Variants in FTCDNL1 observed in about 807,000 individuals in gnomAD.
FTCDNL1 encodes the protein formiminotransferase cyclodeaminase N-terminal like, also known as formiminotransferase N-terminal subdomain-containing protein.
Under a neutral mutation model 5.9 loss-of-function variants are expected in FTCDNL1, and 11 were observed. The ratio of observed to expected loss-of-function variants is 1.87; its 90% CI spans 1.18 to 3.10. FTCDNL1 has a LOEUF of 3.10. Among genes scored for constraint, FTCDNL1 ranks in the 30% most tolerant of loss-of-function variants. The pLI, the probability that FTCDNL1 is intolerant of heterozygous loss-of-function variation, is 0.00. For missense variants in FTCDNL1, 115 were observed against 65.5 expected (o/e 1.76, Z -2.61); for synonymous variants, 58 against 24.8 (o/e 2.34, Z -3.99).
chr2:199,730,795 A>G, the FTCDNL1 span, among the ~76,000 whole-genome samples: 3 of 152,358 alleles, frequency 2.0e-5, no homozygotes, highest in African/African-American at 7.2e-5. Flanking sequence ...CGATTCCCCA[A>G]GGATCTAGAA....
chr2:199,700,170 G>T, the FTCDNL1 span, among the ~76,000 whole-genome samples: 4 of 151,970 alleles, frequency 2.6e-5, no homozygotes, highest in African/African-American at 7.3e-5. Flanking sequence ...CTGCCCAAAG[G>T]CTCCTAGATC....
At chr2:199,765,554 A>ATTT (rs1394074600) in intron 3 of FTCDNL1, among the ~76,000 whole-genome samples, 34 of 60,356 alleles carry the variant, frequency 5.6e-4, no homozygotes, top group East Asian at 3.7e-3. Flanking sequence ...ATATATATAT[A>ATTT]TATTTTTTTT....
At chr2:199,706,978 G>A in the FTCDNL1 span, among the ~76,000 whole-genome samples, 2 of 152,198 alleles carry the variant, frequency 1.3e-5, no homozygotes, top group African/African-American at 4.8e-5. Context: ...ATCTGCTCCT[G>A]GTCAGCTTAT....
intron 3 of FTCDNL1, among the ~76,000 whole-genome samples, chr2:199,841,224 A>G (rs1391140714): frequency 1.3e-5 from 2 of 151,972 alleles, no homozygotes; most frequent in African/African-American, 4.8e-5. Flanking sequence ...GTGAGTTTTT[A>G]TAGAAAATGA....
chr2:199,772,076 T>C (rs1402076080), intron 3 of FTCDNL1, among the ~76,000 whole-genome samples: 1 of 152,230 alleles, frequency 6.6e-6, no homozygotes, highest in Admixed American at 6.5e-5. Context: ...TAAGGGTTTC[T>C]TAAACACAAA....
chr2:199,834,756 C>T (rs1035796513), intron 3 of FTCDNL1, among the ~76,000 whole-genome samples: 2 of 152,220 alleles, frequency 1.3e-5, no homozygotes, highest in African/African-American at 2.4e-5. Flanking sequence ...AAACCTACCC[C>T]AATACTCTTA....
chr2:199,668,069 C>T, the FTCDNL1 span, among the ~76,000 whole-genome samples: 1 of 152,086 alleles, frequency 6.6e-6, no homozygotes, highest in Non-Finnish European at 1.5e-5. Flanking sequence ...GAAGAACTCC[C>T]CTTAGAACTC....
the FTCDNL1 span, among the ~76,000 whole-genome samples, chr2:199,715,559 A>G: frequency 6.4e-3 from 971 of 152,340 alleles, 12 homozygotes; most frequent in African/African-American, 0.022. Context: ...TAAGTCCATC[A>G]AACTTCTTTT....
At position 199,782,119 on chromosome 2, in the gene FTCDNL1, G is replaced by A. The variant is rs115839115; in HGVS notation, c.212-21284C>T. 1.4e-3 allele frequency among the ~76,000 whole-genome samples: 218 copies of A among 152,256 alleles called. 1 individual carries two copies. Among genetic ancestry groups the A allele is most frequent in the African/African-American group, 5.0e-3 (208 of 41,548 alleles). ...TCGTTAATTTGCTCTACCAAAGACA[G>A]CACAACTGGCACAAGAGCTACAACT... On this transcript the variant is annotated intron_variant, in intron 3 of 3. Coordinates refer to the FTCDNL1 transcript ENST00000416668.
chr2:199,727,055 G>C, the FTCDNL1 span, among the ~76,000 whole-genome samples: 1 of 152,194 alleles, frequency 6.6e-6, no homozygotes. Flanking sequence ...CTCCCCACAG[G>C]GGCTCTGTCC....
At chr2:199,717,789 C>T in the FTCDNL1 span, among the ~76,000 whole-genome samples, 2 of 151,476 alleles carry the variant, frequency 1.3e-5, no homozygotes, top group Non-Finnish European at 2.9e-5. Flanking sequence ...ACAGATTAAA[C>T]TCATATTACT....
At chr2:199,763,822 G>A (rs570867981) in intron 3 of FTCDNL1, among the ~76,000 whole-genome samples, 1 of 152,126 alleles carries the variant, frequency 6.6e-6, no homozygotes, top group Non-Finnish European at 1.5e-5. Context: ...AAATGACAAT[G>A]TTGGAATATT....
At chr2:199,706,942 T>A in the FTCDNL1 span, among the ~76,000 whole-genome samples, 1 of 152,214 alleles carries the variant, frequency 6.6e-6, no homozygotes, top group Admixed American at 6.5e-5. Context: ...AGGGGCTGTG[T>A]GCTGGTTGAC....
At chr2:199,840,581 A>C (rs979459202) in intron 3 of FTCDNL1, among the ~76,000 whole-genome samples, 1 of 152,164 alleles carries the variant, frequency 6.6e-6, no homozygotes, top group African/African-American at 2.4e-5. Flanking sequence ...TGAAAGACCA[A>C]GACGTACCAG....
At chr2:199,785,269 A>C (rs1296733817) in intron 3 of FTCDNL1, among the ~76,000 whole-genome samples, 1 of 254 alleles carries the variant, frequency 3.9e-3, no homozygotes, top group Admixed American at 0.025. Context: ...TTTTTTTGAG[A>C]CAGAATCTCA....
intron 3 of FTCDNL1, among the ~76,000 whole-genome samples, chr2:199,835,360 AGAAT>A (rs902214737): frequency 8.5e-5 from 13 of 152,330 alleles, no homozygotes; most frequent in African/African-American, 2.6e-4. Flanking sequence ...TTAAAATTGG[AGAAT>A]GAATTATTCA....
the FTCDNL1 span, among the ~76,000 whole-genome samples, chr2:199,745,693 A>G: frequency 6.6e-6 from 1 of 152,226 alleles, no homozygotes; most frequent in African/African-American, 2.4e-5. Flanking sequence ...AAAATTTCCT[A>G]TAACTTCTCC....
chr2:199,756,622 A>G (rs1698081920), downstream of FTCDNL1, among the ~76,000 whole-genome samples: 1 of 152,180 alleles, frequency 6.6e-6, no homozygotes, highest in East Asian at 1.9e-4. Context: ...TTCATGTTCT[A>G]CTATGTAGTC....
At chr2:199,665,000 A>C in the FTCDNL1 span, among the ~76,000 whole-genome samples, 1 of 152,248 alleles carries the variant, frequency 6.6e-6, no homozygotes, top group Non-Finnish European at 1.5e-5. Flanking sequence ...TGTTTAAAAG[A>C]AAAATTAAGT....
Sources: allele counts gnomAD v4.1 joint callset (sites outside exome capture counted in the v4.1 genomes callset), GRCh38; gene constraint gnomAD v4.1.1; transcripts MANE v1.5; gene names NCBI Gene and HGNC (gene_info 2026-07-23, HGNC 2026-07-21).